ADGRD1: variants seen among roughly 807,000 people sequenced by gnomAD.
ADGRD1 encodes the protein G-protein coupled receptor 133.
Under a neutral mutation model 113.4 loss-of-function variants are expected in ADGRD1, and 77 were observed. The observed-to-expected ratio is 0.68, with a 90% CI of 0.57 to 0.82. ADGRD1 has a LOEUF of 0.82. Among genes scored for constraint, ADGRD1 ranks in the 40% least tolerant of loss-of-function variants. The probability of loss-of-function intolerance (pLI) is 0.00; values close to 1 mark genes in which losing one functional copy is unlikely to be tolerated. For missense variants in ADGRD1, 1,036 were observed against 1,139.1 expected (o/e 0.91, Z 1.30); for synonymous variants, 474 against 475.0 (o/e 1.00, Z 0.03).
At chr12:131,048,757 C>T (rs1883089016) in intron 13 of ADGRD1, among the ~76,000 whole-genome samples, 1 of 152,212 alleles carries the variant, frequency 6.6e-6, no homozygotes, top group East Asian at 1.9e-4. Flanking sequence ...GCTGGCGTGG[C>T]CCTCCTGTGC....
chr12:131,035,956 C>T (rs913338778), intron 13 of ADGRD1, among the ~76,000 whole-genome samples: 1 of 152,172 alleles, frequency 6.6e-6, no homozygotes, highest in Admixed American at 6.5e-5. Context: ...CAAGCCAAAA[C>T]CGAGTCACAT....
chr12:131,003,043 C>G lies in ADGRD1; in HGVS notation c.1027-142C>G, dbSNP rs1876589972. The G allele has an allele frequency of 1.3e-6, 1 of 765,408 alleles. No individual in the cohort carries two copies. The highest frequency in any genetic ancestry group is 1.7e-5 in the African/African-American group (1 of 59,092). 47.4% of individuals were successfully genotyped at this position (765,408 alleles called of 1,614,324 possible). On this transcript the variant is annotated intron_variant, in intron 9 of 24. Transcript: ENST00000261654. This position sits in a 1 kb window ranked among gnomAD's most constrained non-coding sequence, Gnocchi z 4.8. ...GCCTCCGTGTGGTCCCCTCCTGATC[C>G]ATGGGAAGGGGCAGTTGTGTGACTT...
intron 19 of ADGRD1, among the ~76,000 whole-genome samples, chr12:131,119,871 G>C (rs1245672401): frequency 1.3e-5 from 2 of 152,158 alleles, no homozygotes; most frequent in Non-Finnish European, 1.5e-5. Context: ...TCTTGTTTTG[G>C]GGCATTTGCC....
intron 13 of ADGRD1, among the ~76,000 whole-genome samples, chr12:131,040,160 G>T (rs1881972070): frequency 6.6e-6 from 1 of 152,134 alleles, no homozygotes; most frequent in African/African-American, 2.4e-5. Flanking sequence ...TTTTTCCCAG[G>T]AGTCTGGAGG....
chr12:130,968,790 G>A (rs756902750), intron 3 of ADGRD1: 13 of 581,462 alleles, frequency 2.2e-5, no homozygotes, highest in Middle Eastern at 3.6e-4. Flanking sequence ...TGGAGTGGCC[G>A]AGCTGCTGAC....
chr12:131,015,621 G>GGA, intron 13 of ADGRD1, among the ~76,000 whole-genome samples: 1 of 151,186 alleles, frequency 6.6e-6, no homozygotes, highest in African/African-American at 2.5e-5. Flanking sequence ...GATGGAGATG[G>GGA]AGTTGGAGAT....
At chr12:131,052,967 A>G (rs1883536214) in intron 13 of ADGRD1, among the ~76,000 whole-genome samples, 2 of 152,136 alleles carry the variant, frequency 1.3e-5, no homozygotes, top group Admixed American at 1.3e-4. Flanking sequence ...GTCCCAAGGC[A>G]CCTCAGCCCC....
In ADGRD1 at chr12:130,987,324, C is replaced by A; in HGVS notation, c.720C>A (p.Ile240=). 6.2e-7 allele frequency: 1 copy of A among 1,614,132 alleles called. No individual in the cohort carries two copies. The highest frequency in any genetic ancestry group is 8.5e-7 in the Non-Finnish European group (1 of 1,180,026). The change falls in exon 6 of 25, where the codon ATC becomes ATA. Residue 240 remains isoleucine, a synonymous_variant. Transcript: ENST00000261654. ...AGCGGGCTCTGACTCCGGATGAGAT[C>A]GCCATGTACTTCACTGCTGCCATTG... ...IWERALTPDE[I]AMYFTAAIGK... is the part of the protein sequence containing the mutation.
At position 131,060,572 on chromosome 12, in the gene ADGRD1, A is replaced by C. The variant is rs1884234041; in HGVS notation, c.1474-16229A>C. 6.6e-6 allele frequency among the ~76,000 whole-genome samples: 1 copy of C among 152,112 alleles called. No individual in the cohort carries two copies. Among genetic ancestry groups the C allele is most frequent in the Admixed American group, 6.5e-5 (1 of 15,270 alleles). ...GGCCGTGGCCAAGGGGGCCTTACGG[A>C]CACCAGCAGCCTCTCCAGGGGCATC... is the stretch of plus-strand genomic sequence containing the variant. On this transcript the variant is annotated intron_variant, in intron 13 of 24. Coordinates refer to ENST00000261654, the MANE Select transcript of ADGRD1 (RefSeq NM_198827.5). This position sits in a 1 kb window ranked among gnomAD's most constrained non-coding sequence, Gnocchi z 4.4.
intron 18 of ADGRD1, among the ~76,000 whole-genome samples, chr12:131,117,386 A>C (rs1343857003): frequency 2.0e-5 from 3 of 152,218 alleles, no homozygotes; most frequent in African/African-American, 4.8e-5. Flanking sequence ...TGGACTTCAG[A>C]TATGGCTTGA....
At chr12:131,031,266 C>A (rs930839171) in intron 13 of ADGRD1, among the ~76,000 whole-genome samples, 2 of 152,198 alleles carry the variant, frequency 1.3e-5, no homozygotes. Flanking sequence ...TCTGGGGCAG[C>A]CTTGGGTACT....
rs1301804444 is a variant in ADGRD1 at position 130,984,807 on chromosome 12, CCCTTCCTCCCTCCCTT to C, written c.491-2280_491-2265del. 6.7e-6 allele frequency among the ~76,000 whole-genome samples: 1 copy of C among 149,446 alleles called. No homozygotes were observed. Among genetic ancestry groups the C allele is most frequent in the Non-Finnish European group, 1.5e-5 (1 of 67,216 alleles). On this transcript the variant is annotated intron_variant, in intron 5 of 24. Transcript: ENST00000261654. This position sits in a 1 kb window ranked among gnomAD's most constrained non-coding sequence, Gnocchi z 4.1. The stretch of plus-strand genomic sequence containing the variant: ...CTCTCTTTTCCTTCTTTCCCTCCCT[CCCTTCCTCCCTCCCTT>C]CCTTCCTTCCTTCTTGCCTTCCATC...
At chr12:131,092,826 A>G (rs985598061) in intron 15 of ADGRD1, among the ~76,000 whole-genome samples, 1 of 152,126 alleles carries the variant, frequency 6.6e-6, no homozygotes, top group African/African-American at 2.4e-5. Flanking sequence ...TTAAATTTTT[A>G]AAAATTGGTT....
chr12:131,011,970 C>A (rs1405187315), intron 12 of ADGRD1, among the ~76,000 whole-genome samples: 1 of 152,196 alleles, frequency 6.6e-6, no homozygotes, highest in Non-Finnish European at 1.5e-5. Flanking sequence ...TGGTCCCCCC[C>A]AACTTTCTGC....
At position 130,966,717 on chromosome 12, in the gene ADGRD1, C is replaced by T; in HGVS notation, c.187+171C>T. Reference sequence around the variant, plus strand: ...AGGGCCATCGGGGAGCAGATGTGGACACAATCTGCTTTGAAGCCACGGTGA... The same window carrying T: ...AGGGCCATCGGGGAGCAGATGTGGATACAATCTGCTTTGAAGCCACGGTGA... On this transcript the variant is annotated intron_variant, in intron 3 of 24. Coordinates refer to ENST00000261654, the MANE Select transcript of ADGRD1 (RefSeq NM_198827.5). The surrounding 1 kb of genome is among the most constrained non-coding windows in gnomAD (Gnocchi z 4.6). The T allele has an allele frequency of 1.7e-6, 1 of 604,590 alleles. No homozygotes were observed. The highest frequency in any genetic ancestry group is 2.8e-5 in the East Asian group (1 of 35,720). 37.5% of individuals were successfully genotyped at this position (604,590 alleles called of 1,614,324 possible). A position where few individuals can be genotyped will look rare whatever the true frequency, so the allele number is the denominator to read the frequency against.
chr12:130,996,906 G>A (rs1395884919), intron 8 of ADGRD1, among the ~76,000 whole-genome samples: 6 of 129,008 alleles, frequency 4.7e-5, no homozygotes, highest in African/African-American at 9.2e-5. Context: ...CAGTAGGGGC[G>A]GCCGGGCAGA....
chr12:131,129,055 C>T lies in ADGRD1; in HGVS notation c.2176-2670C>T, dbSNP rs1262659299. ...CTGCTGTCTGGTGTGAGTGACAGGC[C>T]GGCCCTGCTGTCTGGGTGTGAGTGA... is the stretch of plus-strand genomic sequence containing the variant. On this transcript the variant is annotated intron_variant, in intron 20 of 24. Transcript: ENST00000261654. Among the ~76,000 whole-genome samples, 19 of 108,206 alleles carry T rather than the reference C, an allele frequency of 1.8e-4. 2 individuals carry two copies. The highest frequency in any genetic ancestry group is 4.2e-4 in the African/African-American group (11 of 26,320). 71.0% of individuals were successfully genotyped at this position (108,206 alleles called of 152,430 possible).
At chr12:130,964,935 C>T (rs1388979633) in intron 2 of ADGRD1, among the ~76,000 whole-genome samples, 1 of 152,044 alleles carries the variant, frequency 6.6e-6, no homozygotes, top group Non-Finnish European at 1.5e-5. Flanking sequence ...TCAGATATGT[C>T]CCCCACAAAA....
intron 13 of ADGRD1, among the ~76,000 whole-genome samples, chr12:131,034,060 C>T (rs561107609): frequency 8.5e-5 from 13 of 152,320 alleles, no homozygotes; most frequent in Middle Eastern, 3.4e-3. Context: ...GCCTCCCAGC[C>T]GCCCCCAGCT....
Sources: gnomAD v4.1 joint callset for allele counts (sites outside exome capture counted in the v4.1 genomes callset) on GRCh38, gnomAD v4.1.1 for gene constraint, Gnocchi (gnomAD v3.1) non-coding constraint, MANE v1.5 for transcripts, NCBI Gene and HGNC (gene_info 2026-07-23, HGNC 2026-07-21) for gene names.